Variants in RNF180 observed in about 807,000 individuals in gnomAD.
RNF180 encodes ring finger protein 180.
In RNF180, 38 loss-of-function variants were observed where a neutral mutation model predicts 59.2. The observed-to-expected ratio is 0.64, with a 90% CI of 0.50 to 0.84. RNF180 has a LOEUF of 0.84. Among genes scored for constraint, RNF180 ranks in the 40% least tolerant of loss-of-function variants. The probability of loss-of-function intolerance (pLI) is 0.00; values close to 1 mark genes in which losing one functional copy is unlikely to be tolerated. For synonymous variants in RNF180, 262 were observed against 240.3 expected, an observed-to-expected ratio of 1.09 and a Z score of -0.84; for missense variants, 705 against 700.9, an observed-to-expected ratio of 1.01 and a Z score of -0.07.
At chr5:64,190,871 T>A (rs183744194) in intron 1 of RNF180, among the ~76,000 whole-genome samples, 2 of 152,312 alleles carry the variant, frequency 1.3e-5, no homozygotes, top group African/African-American at 4.8e-5. Flanking sequence ...TTCAGAGCTG[T>A]GAGAAAATAA....
chr5:64,206,209 G>T (rs1352189979), intron 2 of RNF180, among the ~76,000 whole-genome samples: 1 of 152,180 alleles, frequency 6.6e-6, no homozygotes, highest in African/African-American at 2.4e-5. Context: ...AACATTCATT[G>T]TAGTTATGAG....
chr5:64,307,385 A>G (rs1743529208), intron 5 of RNF180, among the ~76,000 whole-genome samples: 1 of 151,644 alleles, frequency 6.6e-6, no homozygotes, highest in Non-Finnish European at 1.5e-5. Flanking sequence ...TTCCAAATGT[A>G]TAATAGAGAA....
At chr5:64,295,268 T>C (rs944890533) in intron 5 of RNF180, among the ~76,000 whole-genome samples, 16 of 152,172 alleles carry the variant, frequency 1.1e-4, no homozygotes, top group African/African-American at 3.9e-4. Context: ...GCTCTGCCCA[T>C]CTGCTACTCC....
intron 7 of RNF180, among the ~76,000 whole-genome samples, chr5:64,353,500 A>G (rs1229928168): frequency 6.6e-6 from 1 of 151,790 alleles, no homozygotes; most frequent in Non-Finnish European, 1.5e-5. Flanking sequence ...TAATATATGT[A>G]TTCTGGAAAC....
At chr5:64,245,678 A>T (rs550664267) in intron 5 of RNF180, among the ~76,000 whole-genome samples, 27 of 152,330 alleles carry the variant, frequency 1.8e-4, no homozygotes, top group Middle Eastern at 6.8e-3. Flanking sequence ...GGAGACTTTA[A>T]CACCCCACTA....
At chr5:64,229,985 T>A (rs1301806221) in intron 5 of RNF180, among the ~76,000 whole-genome samples, 2 of 152,226 alleles carry the variant, frequency 1.3e-5, no homozygotes, top group Admixed American at 6.5e-5. Flanking sequence ...ATTATACCTT[T>A]TTTTGTCCAA....
chr5:64,205,861 C>T, intron 2 of RNF180, among the ~76,000 whole-genome samples: 1 of 150,658 alleles, frequency 6.6e-6, no homozygotes, highest in Non-Finnish European at 1.5e-5. Context: ...TATAGGAACA[C>T]TTACAGGATA....
chr5:64,196,800 T>C (rs996562051), intron 1 of RNF180, among the ~76,000 whole-genome samples: 2 of 152,134 alleles, frequency 1.3e-5, no homozygotes, highest in African/African-American at 4.8e-5. Context: ...GTTTTTTCTT[T>C]TCTGTTTTCT....
intron 5 of RNF180, among the ~76,000 whole-genome samples, chr5:64,221,954 G>T (rs893195398): frequency 6.6e-6 from 1 of 152,030 alleles, no homozygotes; most frequent in East Asian, 1.9e-4. Flanking sequence ...TATTTATACT[G>T]TATTCAGATT....
At chr5:64,243,243 G>A (rs1366368706) in intron 5 of RNF180, among the ~76,000 whole-genome samples, 5 of 152,084 alleles carry the variant, frequency 3.3e-5, no homozygotes, top group Admixed American at 6.6e-5. Flanking sequence ...AGACAGAACC[G>A]TTCACTCCCC....
intron 7 of RNF180, among the ~76,000 whole-genome samples, chr5:64,349,591 C>T (rs536693372): frequency 6.6e-6 from 1 of 152,044 alleles, no homozygotes; most frequent in Admixed American, 6.6e-5. Context: ...CCTTGCCCCC[C>T]ACCACACCAT....
At chr5:64,276,122 C>T (rs1741698169) in intron 5 of RNF180, among the ~76,000 whole-genome samples, 1 of 152,028 alleles carries the variant, frequency 6.6e-6, no homozygotes, top group Admixed American at 6.6e-5. Flanking sequence ...AAAAGAGGAG[C>T]AGGAAAAAGA....
intron 5 of RNF180, among the ~76,000 whole-genome samples, chr5:64,258,277 A>C (rs1365233752): frequency 6.6e-6 from 1 of 152,180 alleles, no homozygotes; most frequent in Non-Finnish European, 1.5e-5. Context: ...CTTACAAGGA[A>C]ATTTAAAAAA....
chr5:64,207,369 G>C (rs1752067982), intron 2 of RNF180, among the ~76,000 whole-genome samples: 1 of 152,060 alleles, frequency 6.6e-6, no homozygotes, highest in Admixed American at 6.6e-5. Context: ...AGTACAGGTG[G>C]GAGAACATTC....
intron 2 of RNF180, among the ~76,000 whole-genome samples, chr5:64,204,464 A>G (rs901845355): frequency 2.6e-5 from 4 of 152,130 alleles, no homozygotes; most frequent in Non-Finnish European, 4.4e-5. Flanking sequence ...AACATTTAAC[A>G]TCTCATTCTC....
At chr5:64,244,793 T>G (rs950515949) in intron 5 of RNF180, among the ~76,000 whole-genome samples, 1 of 152,144 alleles carries the variant, frequency 6.6e-6, no homozygotes, top group Non-Finnish European at 1.5e-5. Flanking sequence ...ATCCTCAGAT[T>G]CACCAAGGTT....
intron 5 of RNF180, among the ~76,000 whole-genome samples, chr5:64,316,555 T>C (rs1052506513): frequency 4.6e-5 from 7 of 152,150 alleles, no homozygotes; most frequent in African/African-American, 1.7e-4. Flanking sequence ...ATATTTAGGG[T>C]TTAAGGTAGT....
chr5:64,173,697 C>G (rs72769829), intron 1 of RNF180, among the ~76,000 whole-genome samples: 11,034 of 150,890 alleles, frequency 0.073, 606 homozygotes, highest in South Asian at 0.15. Flanking sequence ...CTGTTTTCCT[C>G]CCTACTTCTA....
intron 7 of RNF180, among the ~76,000 whole-genome samples, chr5:64,352,102 G>A (rs1172152486): frequency 6.6e-6 from 1 of 152,028 alleles, no homozygotes; most frequent in African/African-American, 2.4e-5. Context: ...TCTATTCAGG[G>A]ATTCAAGTTC....
Sources: allele counts gnomAD v4.1 joint callset (sites outside exome capture counted in the v4.1 genomes callset), GRCh38; gene constraint gnomAD v4.1.1; transcripts MANE v1.5; gene names NCBI Gene and HGNC (gene_info 2026-07-23, HGNC 2026-07-21).